NAV2: variants seen among roughly 807,000 people sequenced by gnomAD.
The protein encoded by NAV2 is helicase, APC down-regulated 1.
In NAV2, 54 loss-of-function variants were observed where a neutral mutation model predicts 223.2. The observed-to-expected ratio is 0.24, with a 90% CI of 0.19 to 0.30. The LOEUF is 0.30. NAV2 is among the 10% of genes least tolerant of loss of function. NAV2 has a pLI of 1.00. For synonymous variants in NAV2, 1,279 were observed against 1,239.3 expected, an observed-to-expected ratio of 1.03 and a Z score of -0.67; for missense variants, 2,806 against 3,147.5, an observed-to-expected ratio of 0.89 and a Z score of 2.60.
chr11:20,087,214 G>A (rs1335765215), intron 26 of NAV2, among the ~76,000 whole-genome samples: 1 of 152,168 alleles, frequency 6.6e-6, no homozygotes, highest in East Asian at 1.9e-4. Flanking sequence ...TGAGCAGAGA[G>A]AGGCGGTGAT....
chr11:19,775,100 A>C (rs76081839), intron 1 of NAV2, among the ~76,000 whole-genome samples: 3,675 of 152,288 alleles, frequency 0.024, 166 homozygotes, highest in African/African-American at 0.084. Flanking sequence ...GCTGTGATAG[A>C]GATATCTTGT....
At chr11:19,494,637 G>A (rs1389506401) in intron 1 of NAV2, among the ~76,000 whole-genome samples, 1 of 152,218 alleles carries the variant, frequency 6.6e-6, no homozygotes, top group Non-Finnish European at 1.5e-5. Flanking sequence ...AGAGTCATCT[G>A]TGGAGCTTAT....
intron 3 of NAV2, among the ~76,000 whole-genome samples, chr11:19,860,050 C>T (rs2061635955): frequency 7.9e-6 from 1 of 126,086 alleles, no homozygotes; most frequent in Admixed American, 7.5e-5. Flanking sequence ...GGCTGACCCC[C>T]CCCAACTCCC....
At chr11:19,946,809 G>A (rs2046975168) in intron 9 of NAV2, among the ~76,000 whole-genome samples, 1 of 152,234 alleles carries the variant, frequency 6.6e-6, no homozygotes, top group Admixed American at 6.5e-5. Flanking sequence ...GTCTGGTGCT[G>A]TGGAAATGAG....
chr11:19,895,368 C>T lies in NAV2; in HGVS notation c.931+2774C>T, dbSNP rs1014371736. Among the ~76,000 whole-genome samples the T allele has an allele frequency of 7.9e-5, 12 of 152,160 alleles. 1 individual carries two copies. The highest frequency in any genetic ancestry group is 6.8e-3 in the Middle Eastern group (2 of 294). On this transcript the variant is annotated intron_variant, in intron 6 of 37. Transcript: ENST00000349880. ...CTAGGATTGCAGGTGTGAGCCACTGCGCCTGGCCTGATTTTCAGTATGGTA... is the reference window on the plus strand; with the variant it reads ...CTAGGATTGCAGGTGTGAGCCACTGTGCCTGGCCTGATTTTCAGTATGGTA...
chr11:19,799,812 T>C (rs889226061), intron 1 of NAV2, among the ~76,000 whole-genome samples: 14 of 152,152 alleles, frequency 9.2e-5, no homozygotes, highest in Non-Finnish European at 1.6e-4. Flanking sequence ...TTCTTTCCTT[T>C]CTTTGCCTCC....
At chr11:20,110,765 T>C (rs1032905253) in intron 36 of NAV2, among the ~76,000 whole-genome samples, 6 of 152,212 alleles carry the variant, frequency 3.9e-5, no homozygotes, top group Non-Finnish European at 8.8e-5. Flanking sequence ...TACTCTCCTT[T>C]GTGTTACTTT....
intron 1 of NAV2, among the ~76,000 whole-genome samples, chr11:19,745,004 T>G (rs1473726361): frequency 1.3e-5 from 2 of 152,316 alleles, no homozygotes; most frequent in African/African-American, 4.8e-5. Flanking sequence ...AAAGCATAAT[T>G]ATTGGATCAA....
chr11:19,469,770 C>A (rs1009901597), intron 1 of NAV2, among the ~76,000 whole-genome samples: 5 of 152,228 alleles, frequency 3.3e-5, no homozygotes, highest in Non-Finnish European at 7.3e-5. Context: ...GTCTGTTCTA[C>A]ATCTTTTTAC....
At chr11:19,904,286 A>C (rs1273461064) in intron 6 of NAV2, among the ~76,000 whole-genome samples, 2 of 152,112 alleles carry the variant, frequency 1.3e-5, no homozygotes, top group Non-Finnish European at 2.9e-5. Flanking sequence ...GCATTATGCC[A>C]GTCACTGAGT....
intron 1 of NAV2, among the ~76,000 whole-genome samples, chr11:19,641,835 G>A (rs1287598231): frequency 1.3e-5 from 2 of 151,744 alleles, no homozygotes; most frequent in East Asian, 3.9e-4. Flanking sequence ...CTCTTTCACA[G>A]CCCTTTGTCT....
chr11:19,508,889 A>G (rs1007677105), intron 1 of NAV2, among the ~76,000 whole-genome samples: 1 of 152,256 alleles, frequency 6.6e-6, no homozygotes, highest in African/African-American at 2.4e-5. Flanking sequence ...TGAGCCCTTC[A>G]TAAATTTCCT....
Position 19,713,269 on chromosome 11 carries a change from C to A in NAV2, c.-427C>A. 1 of 999,898 alleles carries A rather than the reference C, an allele frequency of 1.0e-6. No homozygotes were observed. The allele number at this position is 999,898 out of a possible 1,614,324, so 61.9% of individuals were successfully genotyped here. A position where few individuals can be genotyped will look rare whatever the true frequency, so the allele number is the denominator to read the frequency against. On this transcript the variant is annotated 5_prime_UTR_variant, in exon 1 of 38. Transcript: ENST00000349880. This position sits in a 1 kb window ranked among gnomAD's most constrained non-coding sequence, Gnocchi z 7.2. ...CAGACCCGTAGCCTCCGGAACGGGA[C>A]TCGTGGGTCGCCGCCGCCTCTGTCT...
chr11:19,599,656 C>A (rs181306481), intron 1 of NAV2, among the ~76,000 whole-genome samples: 38 of 152,290 alleles, frequency 2.5e-4, no homozygotes, highest in Admixed American at 2.2e-3. Flanking sequence ...ATGCTCACAT[C>A]CTAAGGTTTC....
At chr11:19,426,848 T>A (rs1212284505) in intron 1 of NAV2, among the ~76,000 whole-genome samples, 1 of 152,180 alleles carries the variant, frequency 6.6e-6, no homozygotes, top group African/African-American at 2.4e-5. Flanking sequence ...TTATGCAGTG[T>A]GAAGAATCTT....
intron 19 of NAV2, among the ~76,000 whole-genome samples, chr11:20,061,121 A>G (rs943783853): frequency 5.3e-5 from 8 of 152,228 alleles, no homozygotes; most frequent in African/African-American, 1.9e-4. Context: ...GTGCCCAGTT[A>G]CAAGTCCTGT....
intron 1 of NAV2, among the ~76,000 whole-genome samples, chr11:19,370,951 C>T (rs192145970): frequency 1.3e-5 from 2 of 152,310 alleles, no homozygotes; most frequent in East Asian, 1.9e-4. Context: ...CTGCCTGTAG[C>T]CTCATATGTA....
chr11:20,083,921 G>T (rs1307624723), intron 26 of NAV2, among the ~76,000 whole-genome samples: 1 of 152,182 alleles, frequency 6.6e-6, no homozygotes, highest in African/African-American at 2.4e-5. Flanking sequence ...TAACCAGCCA[G>T]CCCACTGAAG....
At position 20,107,432 on chromosome 11, in the gene NAV2, C is replaced by T. The variant is rs1443253066; in HGVS notation, c.6842-232C>T. 1.1e-5 allele frequency: 6 copies of T among 549,404 alleles called. No individual in the cohort carries two copies. In the East Asian group the frequency reaches 1.5e-4, roughly 14 times the overall value. 34.0% of individuals were successfully genotyped at this position (549,404 alleles called of 1,614,324 possible). A position where few individuals can be genotyped will look rare whatever the true frequency, so the allele number is the denominator to read the frequency against. On this transcript the variant is annotated intron_variant, in intron 35 of 37. Coordinates refer to ENST00000349880, the MANE Select transcript of NAV2 (RefSeq NM_145117.5). ...TTAGTGATGCCACAGTGAGCATCTT[C>T]CCCATAAAGCCTTTCCTGGAGGAGG...
Sources: gnomAD v4.1 joint callset for allele counts (sites outside exome capture counted in the v4.1 genomes callset) on GRCh38, gnomAD v4.1.1 for gene constraint, Gnocchi (gnomAD v3.1) non-coding constraint, MANE v1.5 for transcripts, NCBI Gene and HGNC (gene_info 2026-07-23, HGNC 2026-07-21) for gene names.